Variants in TANC2 observed in about 807,000 individuals in gnomAD.
The protein encoded by TANC2 is tetratricopeptide repeat, ankyrin repeat and coiled-coil containing 2, also known as protein TANC2.
Under a neutral mutation model 210.5 loss-of-function variants are expected in TANC2, and 26 were observed. That is an observed-to-expected ratio of 0.12 (90% confidence interval 0.09 to 0.17). The LOEUF (loss-of-function observed/expected upper bound fraction) is 0.17, where lower values mean the gene tolerates loss of function less well. Ranked by LOEUF, TANC2 falls within the 10% of genes least tolerant of loss-of-function variation. The pLI is 1.00. For synonymous variants in TANC2, 931 were observed against 967.1 expected (o/e 0.96, Z 0.69); for missense variants, 2,129 against 2,608.9 (o/e 0.82, Z 4.01).
chr17:63,355,148 T>A, exon 14 of TANC2: 1 of 1,613,850 alleles, frequency 6.2e-7, no homozygotes, highest in Non-Finnish European at 8.5e-7. Context: ...GGGTGATGCC[T>A]CTCCTGAATG....
intron 9 of TANC2, among the ~76,000 whole-genome samples, chr17:63,312,544 G>A (rs143187842): frequency 0.014 from 2,055 of 152,202 alleles, 24 homozygotes; most frequent in Middle Eastern, 0.024. Flanking sequence ...TTGACGTAAA[G>A]ATGGTAACAG....
At chr17:63,274,244 T>TC (rs2043804805) in intron 9 of TANC2, among the ~76,000 whole-genome samples, 1 of 152,070 alleles carries the variant, frequency 6.6e-6, no homozygotes, top group Non-Finnish European at 1.5e-5. Context: ...AGACAGCTGT[T>TC]TTGAACAACT....
At chr17:63,321,446 T>G (rs1427373017) in intron 11 of TANC2, among the ~76,000 whole-genome samples, 1 of 152,204 alleles carries the variant, frequency 6.6e-6, no homozygotes, top group Non-Finnish European at 1.5e-5. Flanking sequence ...CGCAATGTAT[T>G]CTTTACTTAG....
In TANC2 at chr17:63,367,127, G is replaced by A. The variant is rs368796642; in HGVS notation, c.2582+11737G>A. Among the ~76,000 whole-genome samples the A allele has an allele frequency of 1.9e-4, 29 of 152,354 alleles. 1 individual carries two copies. The South Asian group carries it at 6.0e-3, about 32-fold the overall frequency. On this transcript the variant is annotated intron_variant, in intron 14 of 27. Coordinates refer to ENST00000689528, the Ensembl canonical transcript of TANC2. ...AGTACTGAATTGGAAAGTGAATCTGGAAGTCCTTGCATTGCTCTTCCTTGT... is the reference window on the plus strand; with the variant it reads ...AGTACTGAATTGGAAAGTGAATCTGAAAGTCCTTGCATTGCTCTTCCTTGT...
chr17:62,973,006 C>T (rs1598167468), intron 1 of TANC2, among the ~76,000 whole-genome samples: 1 of 151,382 alleles, frequency 6.6e-6, no homozygotes, highest in African/African-American at 2.4e-5. Context: ...TCCCCTTGCA[C>T]TTGGTGTATA....
rs115971344 is a variant in TANC2, at chr17:63,388,901, G to A, written c.2814+144G>A. ...TTGATAATTTAATATATTTTAAATT[G>A]TTAAATTTTATTCTATAAATTAGAG... is the stretch of plus-strand genomic sequence containing the variant. On this transcript the variant is annotated intron_variant, in intron 16 of 27. Transcript: ENST00000689528. The A allele has an allele frequency of 1.7e-3, 1,089 of 624,592 alleles. 10 individuals carry two copies. The African/African-American group carries it at 0.018, about 10-fold the overall frequency. 38.7% of individuals were successfully genotyped at this position (624,592 alleles called of 1,614,324 possible). A position where few individuals can be genotyped will look rare whatever the true frequency, so the allele number is the denominator to read the frequency against.
intron 5 of TANC2, among the ~76,000 whole-genome samples, chr17:63,189,544 T>C (rs1286614722): frequency 6.6e-6 from 1 of 152,232 alleles, no homozygotes. Flanking sequence ...TATTGACCAT[T>C]TGTATACCCT....
At chr17:63,308,610 T>G (rs2045007627) in intron 9 of TANC2, among the ~76,000 whole-genome samples, 1 of 152,210 alleles carries the variant, frequency 6.6e-6, no homozygotes, top group Non-Finnish European at 1.5e-5. Context: ...GCTACAACAG[T>G]TAAAATTTGT....
At chr17:63,334,873 C>T (rs2146745226) in intron 11 of TANC2, among the ~76,000 whole-genome samples, 1 of 152,294 alleles carries the variant, frequency 6.6e-6, no homozygotes, top group Middle Eastern at 3.4e-3. Context: ...TGTCCAGCTT[C>T]TGAGGAGGCC....
At chr17:63,392,659 A>G (rs914588531) in intron 17 of TANC2, among the ~76,000 whole-genome samples, 2 of 152,144 alleles carry the variant, frequency 1.3e-5, no homozygotes, top group African/African-American at 4.8e-5. Flanking sequence ...GTAATTTTAG[A>G]CTTTCAAAGA....
chr17:63,359,415 A>G (rs2046890109), intron 14 of TANC2, among the ~76,000 whole-genome samples: 1 of 150,978 alleles, frequency 6.6e-6, no homozygotes, highest in Non-Finnish European at 1.5e-5. Context: ...GCGATTTCAC[A>G]TCACTGCAAC....
At chr17:63,109,347 A>G (rs560073356) in intron 4 of TANC2, among the ~76,000 whole-genome samples, 1 of 151,834 alleles carries the variant, frequency 6.6e-6, no homozygotes, top group South Asian at 2.1e-4. Context: ...AAGATAACAT[A>G]CAGAACATAC....
In TANC2 at chr17:63,043,462, C is replaced by T. The variant is rs550605894; in HGVS notation, c.68-30481C>T. On this transcript the variant is annotated intron_variant, in intron 2 of 27. Transcript: ENST00000689528. ...TTTTCACAACCTTGTGGAATAAATT[C>T]TATCATTTTACTCATTTAACAGATG... 3.9e-5 allele frequency among the ~76,000 whole-genome samples: 6 copies of T among 152,182 alleles called. No homozygotes were observed. The East Asian group carries it at 9.6e-4, about 24-fold the overall frequency.
At chr17:63,157,514 G>A (rs2039879975) in intron 5 of TANC2, among the ~76,000 whole-genome samples, 1 of 152,140 alleles carries the variant, frequency 6.6e-6, no homozygotes, top group African/African-American at 2.4e-5. Context: ...TAAAATGCCA[G>A]TGGTTTAGAG....
intron 3 of TANC2, among the ~76,000 whole-genome samples, chr17:63,097,168 G>C (rs553367192): frequency 6.6e-6 from 1 of 151,972 alleles, no homozygotes; most frequent in South Asian, 2.1e-4. Context: ...AGCCTCCCAA[G>C]TAGCTGGGAC....
At chr17:63,384,024 G>C (rs2047697156) in intron 15 of TANC2, among the ~76,000 whole-genome samples, 1 of 152,012 alleles carries the variant, frequency 6.6e-6, no homozygotes, top group Non-Finnish European at 1.5e-5. Flanking sequence ...TTCAAACCCT[G>C]TCTCTCTTAA....
chr17:63,402,069 T>A (rs1360153340), intron 19 of TANC2, among the ~76,000 whole-genome samples: 1 of 152,228 alleles, frequency 6.6e-6, no homozygotes, highest in Non-Finnish European at 1.5e-5. Context: ...TAGGATTAAG[T>A]CCTTTAATGT....
At chr17:63,161,233 G>A (rs1426186184) in intron 5 of TANC2, among the ~76,000 whole-genome samples, 2 of 152,108 alleles carry the variant, frequency 1.3e-5, no homozygotes, top group Non-Finnish European at 2.9e-5. Flanking sequence ...GTGGTGGTGT[G>A]CACCTGTGGT....
intron 7 of TANC2, among the ~76,000 whole-genome samples, chr17:63,234,648 T>TC (rs2042572085): frequency 6.6e-6 from 1 of 152,004 alleles, no homozygotes; most frequent in Non-Finnish European, 1.5e-5. Context: ...GTTTTTTTTT[T>TC]AATTTAAATA....
Sources: allele counts gnomAD v4.1 joint callset (sites outside exome capture counted in the v4.1 genomes callset), GRCh38; gene constraint gnomAD v4.1.1; transcripts MANE v1.5; gene names NCBI Gene and HGNC (gene_info 2026-07-23, HGNC 2026-07-21).